SH2D4A: variants seen among roughly 807,000 people sequenced by gnomAD.
The protein encoded by SH2D4A is SH2 domain-containing protein 4A.
SH2D4A carries 70 observed loss-of-function variants against 64.7 expected under a neutral mutation model. The ratio of observed to expected loss-of-function variants is 1.08; its 90% confidence interval spans 0.89 to 1.32. The LOEUF (loss-of-function observed/expected upper bound fraction) is 1.32. SH2D4A is among the 40% of genes most tolerant of loss of function. The probability of loss-of-function intolerance (pLI) is 0.00; values close to 1 mark genes in which losing one functional copy is unlikely to be tolerated. For missense variants in SH2D4A, 706 were observed against 540.1 expected (o/e 1.31, Z -3.04); for synonymous variants, 268 against 200.7 (o/e 1.34, Z -2.83).
intron 8 of SH2D4A, among the ~76,000 whole-genome samples, chr8:19,390,875 CCTTA>C (rs1033419704): frequency 6.6e-6 from 1 of 152,142 alleles, no homozygotes; most frequent in African/African-American, 2.4e-5. Context: ...AGGAATTTGA[CCTTA>C]CTTAGCCGAG....
intron 8 of SH2D4A, chr8:19,375,506 T>G (rs1008671264): frequency 9.2e-5 from 14 of 152,306 alleles, no homozygotes; most frequent in African/African-American, 2.9e-4. Context: ...TTCTCTCAAT[T>G]AAGCTCAAGG....
rs2052949877 is a variant in SH2D4A, at chr8:19,364,298, G to A, written c.917+16G>A. The A allele has an allele frequency of 6.2e-7, 1 of 1,613,556 alleles. No individual in the cohort carries two copies. The highest frequency in any genetic ancestry group is 1.3e-5 in the African/African-American group (1 of 75,006). Reference sequence around the variant, plus strand: ...AACCTCTTAGGTAAGAAGCCACACAGATGGGTTTATGCATAAACATTGCAA... The same window carrying A: ...AACCTCTTAGGTAAGAAGCCACACAAATGGGTTTATGCATAAACATTGCAA... On this transcript the variant is annotated intron_variant, in intron 7 of 9. Coordinates refer to ENST00000265807, the MANE Select transcript of SH2D4A (RefSeq NM_022071.4).
chr8:19,389,683 G>T (rs904197068), intron 8 of SH2D4A, among the ~76,000 whole-genome samples: 4 of 152,166 alleles, frequency 2.6e-5, no homozygotes, highest in African/African-American at 9.7e-5. Context: ...CCTGGGTGAA[G>T]ATATAGGTCA....
At chr8:19,368,232 C>T (rs899008827) in intron 7 of SH2D4A, among the ~76,000 whole-genome samples, 2 of 151,986 alleles carry the variant, frequency 1.3e-5, no homozygotes, top group East Asian at 3.9e-4. Context: ...GTTTTTATGC[C>T]AGCACCATGC....
At chr8:19,373,014 A>T (rs1005315655) in intron 7 of SH2D4A, among the ~76,000 whole-genome samples, 1 of 152,140 alleles carries the variant, frequency 6.6e-6, no homozygotes, top group African/African-American at 2.4e-5. Context: ...CTTTCCAGGA[A>T]AATGTGCTGG....
rs992505585 is a variant in SH2D4A at position 19,394,954 on chromosome 8, T to G, written c.*312T>G. ...TGAAGAAATGGAAAACTTTTAGAAA[T>G]TAAGGTGTACTTGAAAACGAATATC... On this transcript the variant is annotated 3_prime_UTR_variant, in exon 10 of 10. Transcript: ENST00000265807. 6.3e-5 allele frequency: 12 copies of G among 190,602 alleles called. No homozygotes were observed. Among genetic ancestry groups the G allele is most frequent in the African/African-American group, 2.8e-4 (12 of 43,006 alleles). 11.8% of individuals were successfully genotyped at this position (190,602 alleles called of 1,614,324 possible).
chr8:19,363,441 C>T (rs1479359633), intron 6 of SH2D4A, among the ~76,000 whole-genome samples: 1 of 152,150 alleles, frequency 6.6e-6, no homozygotes, highest in Non-Finnish European at 1.5e-5. Context: ...ATGCATTTCT[C>T]AGGATTTATT....
At chr8:19,383,451 G>C (rs2053334033) in intron 8 of SH2D4A, among the ~76,000 whole-genome samples, 2 of 151,062 alleles carry the variant, frequency 1.3e-5, no homozygotes, top group African/African-American at 2.4e-5. Flanking sequence ...CATACGTAAA[G>C]TCTTTGAGTA....
At chr8:19,340,406 G>A (rs2052510706) in intron 4 of SH2D4A, among the ~76,000 whole-genome samples, 3 of 152,122 alleles carry the variant, frequency 2.0e-5, no homozygotes. Context: ...GAGGAACAAG[G>A]TAGCATGACC....
At chr8:19,379,638 C>A (rs924819034) in intron 8 of SH2D4A, among the ~76,000 whole-genome samples, 2 of 152,162 alleles carry the variant, frequency 1.3e-5, no homozygotes, top group Admixed American at 1.3e-4. Context: ...TACCTTCCCA[C>A]CAACAGTGGC....
intron 8 of SH2D4A, among the ~76,000 whole-genome samples, chr8:19,385,647 A>C (rs1343127106): frequency 2.0e-5 from 3 of 152,124 alleles, no homozygotes; most frequent in Non-Finnish European, 2.9e-5. Context: ...CACTCCTCCC[A>C]ACTTCCCTTC....
intron 7 of SH2D4A, 125 bp downstream of exon 7, chr8:19,364,407 G>T: frequency 9.7e-7 from 1 of 1,026,316 alleles, no homozygotes; most frequent in Non-Finnish European, 1.4e-6. Flanking sequence ...GCCTGTGTAA[G>T]TAGCTCAGGT....
At chr8:19,330,461 T>A (rs910870681) in intron 2 of SH2D4A, among the ~76,000 whole-genome samples, 1 of 152,204 alleles carries the variant, frequency 6.6e-6, no homozygotes, top group Non-Finnish European at 1.5e-5. Flanking sequence ...ACTGCTTCTT[T>A]ATGGTCACTG....
At chr8:19,380,956 C>T (rs557154421) in intron 8 of SH2D4A, among the ~76,000 whole-genome samples, 1 of 151,794 alleles carries the variant, frequency 6.6e-6, no homozygotes, top group East Asian at 1.9e-4. Context: ...TATCATTTTG[C>T]ATAGTATTGT....
chr8:19,395,786 ATAAATGTCTGTTGTTTTAAGCTGCT>A lies in SH2D4A; in HGVS notation c.*1147_*1171del, dbSNP rs1470322649. ...AATTCCAGACTCCAGAACTGGAAGAATAAATGTCTGTTGTTTTAAGCTGCTTAGTTCATGCTGAGTTCATGCTGAC... is the reference window on the plus strand; with the variant it reads ...AATTCCAGACTCCAGAACTGGAAGAATAGTTCATGCTGAGTTCATGCTGAC... On this transcript the variant is annotated 3_prime_UTR_variant, in exon 10 of 10. Transcript: ENST00000265807. 6.6e-6 allele frequency: 1 copy of A among 152,244 alleles called. No individual in the cohort carries two copies. The highest frequency in any genetic ancestry group is 1.5e-5 in the Non-Finnish European group (1 of 68,054). The allele number at this position is 152,244 out of a possible 1,614,324, so 9.4% of individuals were successfully genotyped here.
chr8:19,346,512 A>G (rs574393214), intron 4 of SH2D4A, among the ~76,000 whole-genome samples: 3 of 152,364 alleles, frequency 2.0e-5, no homozygotes, highest in African/African-American at 7.2e-5. Context: ...ATTCTGCATT[A>G]TGAATTATGA....
chr8:19,339,541 C>T (rs1168814466), intron 4 of SH2D4A, among the ~76,000 whole-genome samples: 5 of 150,674 alleles, frequency 3.3e-5, no homozygotes, highest in South Asian at 2.1e-4. Flanking sequence ...TCCCTCTCCC[C>T]GAGGCTGCAG....
At chr8:19,321,408 T>C (rs2052188658) in intron 2 of SH2D4A, among the ~76,000 whole-genome samples, 1 of 152,158 alleles carries the variant, frequency 6.6e-6, no homozygotes. Flanking sequence ...GAGGTGGGGT[T>C]TCTCCATGTT....
rs111600003 is a variant in SH2D4A, at chr8:19,364,215, G to A, written c.850G>A (p.Glu284Lys). The change falls in exon 7 of 10, where the codon GAA becomes AAA. Residue 284 changes from glutamate (E) to lysine (K), a missense_variant. Physicochemically the swap from Glu to Lys is moderately conservative, Grantham distance 56. Transcript: ENST00000265807. ...QSPLRVPQKP[E>K]RPPLPPKPQF... is the part of the protein sequence containing the mutation. The stretch of plus-strand genomic sequence containing the variant: ...CCCCTTGCGTGTTCCGCAGAAACCA[G>A]AAAGACCTCCCCTTCCACCCAAGCC... 4.7e-4 allele frequency: 751 copies of A among 1,614,160 alleles called. 6 individuals are homozygous for A. In the South Asian group the frequency reaches 4.9e-3, roughly 10 times the overall value.
Sources: gnomAD v4.1 joint callset for allele counts (sites outside exome capture counted in the v4.1 genomes callset) on GRCh38, gnomAD v4.1.1 for gene constraint, MANE v1.5 for transcripts, NCBI Gene and HGNC (gene_info 2026-07-23, HGNC 2026-07-21) for gene names.